SLIT2: variants seen among roughly 807,000 people sequenced by gnomAD.
SLIT2 encodes slit homolog 2 protein.
SLIT2 carries 41 observed loss-of-function variants against 185.7 expected under a neutral mutation model. That is an observed-to-expected ratio of 0.22 (90% CI 0.17 to 0.29). The LOEUF is 0.29. Ranked by LOEUF, SLIT2 falls within the 10% of genes least tolerant of loss-of-function variation. SLIT2 has a pLI of 1.00. For synonymous variants in SLIT2, 693 were observed against 680.2 expected, an observed-to-expected ratio of 1.02 and a Z score of -0.29; for missense variants, 1,571 against 1,909.0, an observed-to-expected ratio of 0.82 and a Z score of 3.30.
In SLIT2 at chr4:20,620,268, G is replaced by A. The variant is rs1451712775; in HGVS notation, c.*1259G>A. On this transcript the variant is annotated 3_prime_UTR_variant, in exon 37 of 37. Transcript: ENST00000504154. ...AAAAGACTGTCATATCAAGAACTGT[G>A]ACTTTTCTTTCCCTCAAACAATAAA... 1 of 348,118 alleles carries A rather than the reference G, an allele frequency of 2.9e-6. No individual in the cohort carries two copies. Among genetic ancestry groups the A allele is most frequent in the African/African-American group, 2.2e-5 (1 of 46,188 alleles). 21.6% of individuals were successfully genotyped at this position (348,118 alleles called of 1,614,324 possible).
At chr4:20,553,396 A>C (rs1723952792) in intron 25 of SLIT2, among the ~76,000 whole-genome samples, 1 of 152,098 alleles carries the variant, frequency 6.6e-6, no homozygotes, top group African/African-American at 2.4e-5. Flanking sequence ...GGTTCTTTGG[A>C]GGTAAGAATA....
At chr4:20,533,530 T>C in intron 17 of SLIT2, 42 bp from the exon 18 acceptor site, 1 of 1,478,174 alleles carries the variant, frequency 6.8e-7, no homozygotes, top group African/African-American at 1.4e-5. Context: ...CCCACCTTGT[T>C]AGAAATTATT....
intron 29 of SLIT2, among the ~76,000 whole-genome samples, chr4:20,575,763 A>AT (rs796592064): frequency 5.3e-5 from 8 of 152,202 alleles, no homozygotes; most frequent in African/African-American, 1.4e-4. Context: ...TACCCACAAA[A>AT]TTCAAGTGCA....
chr4:20,524,770 T>C (rs1721138995), intron 14 of SLIT2, among the ~76,000 whole-genome samples: 1 of 149,020 alleles, frequency 6.7e-6, no homozygotes, highest in African/African-American at 2.4e-5. Context: ...AAGCTAAATA[T>C]GAATGCATTG....
chr4:20,562,434 A>C (rs1269585735), intron 26 of SLIT2, among the ~76,000 whole-genome samples: 2 of 151,694 alleles, frequency 1.3e-5, no homozygotes, highest in Non-Finnish European at 2.9e-5. Flanking sequence ...TCATATTTCC[A>C]TTCACTTAGT....
chr4:20,294,476 T>G (rs1716276073), intron 4 of SLIT2, among the ~76,000 whole-genome samples: 1 of 152,200 alleles, frequency 6.6e-6, no homozygotes, highest in African/African-American at 2.4e-5. Context: ...GATTATATCC[T>G]GAAATCACTG....
rs578193970 is a variant in SLIT2, at chr4:20,372,131, T to C, written c.396-95621T>C. Among the ~76,000 whole-genome samples, 61 of 152,264 alleles carry C rather than the reference T, an allele frequency of 4.0e-4. 1 individual carries two copies. In the South Asian group the frequency reaches 0.012, roughly 29 times the overall value. ...ACATTTACTGAGTACTCTTTATAGGTACGACACATTATGCCAGTTGTTTTT... is the reference window on the plus strand; with the variant it reads ...ACATTTACTGAGTACTCTTTATAGGCACGACACATTATGCCAGTTGTTTTT... On this transcript the variant is annotated intron_variant, in intron 4 of 36. Coordinates refer to ENST00000504154, the MANE Select transcript of SLIT2 (RefSeq NM_004787.4).
chr4:20,545,995 C>T (rs1723216450), intron 21 of SLIT2, 36 bp from the exon 22 acceptor site: 1 of 1,226,180 alleles, frequency 8.2e-7, no homozygotes, highest in Non-Finnish European at 1.2e-6. Context: ...GCCACCATTA[C>T]TTTGTAAGAA....
chr4:20,491,381 G>T (rs946952742), intron 8 of SLIT2, among the ~76,000 whole-genome samples: 4 of 152,118 alleles, frequency 2.6e-5, no homozygotes, highest in African/African-American at 9.7e-5. Context: ...GCATGAATTT[G>T]ATAAAGACCA....
chr4:20,392,265 T>C (rs549824045), intron 4 of SLIT2: 1 of 152,202 alleles, frequency 6.6e-6, no homozygotes, highest in South Asian at 2.1e-4. Context: ...AACACAATGG[T>C]AAGTATTTAT....
At chr4:20,454,545 A>G (rs761175434) in intron 4 of SLIT2, among the ~76,000 whole-genome samples, 3 of 152,180 alleles carry the variant, frequency 2.0e-5, no homozygotes, top group Non-Finnish European at 2.9e-5. Flanking sequence ...GTAGTTTCCA[A>G]AGTACTCCAT....
chr4:20,315,649 CAT>C (rs768900299), intron 4 of SLIT2, among the ~76,000 whole-genome samples: 1 of 151,906 alleles, frequency 6.6e-6, no homozygotes, highest in Non-Finnish European at 1.5e-5. Context: ...AAGGAAAAAA[CAT>C]AAGAAAGTTA....
chr4:20,313,835 G>A (rs927716007), intron 4 of SLIT2, among the ~76,000 whole-genome samples: 9 of 152,204 alleles, frequency 5.9e-5, no homozygotes, highest in African/African-American at 1.4e-4. Context: ...GCGCTCAGGC[G>A]GCAATGCTCA....
At chr4:20,256,213 G>A (rs1375867121) in intron 1 of SLIT2, among the ~76,000 whole-genome samples, 1 of 151,826 alleles carries the variant, frequency 6.6e-6, no homozygotes, top group African/African-American at 2.4e-5. Flanking sequence ...AGGAAGTTTC[G>A]CCACCATGCT....
At chr4:20,422,790 C>A (rs892855680) in intron 4 of SLIT2, among the ~76,000 whole-genome samples, 3 of 151,894 alleles carry the variant, frequency 2.0e-5, no homozygotes, top group African/African-American at 7.3e-5. Context: ...GAAAGGAGGC[C>A]AGCATCAATG....
chr4:20,459,631 T>C (rs1411043837), intron 4 of SLIT2, among the ~76,000 whole-genome samples: 1 of 152,204 alleles, frequency 6.6e-6, no homozygotes, highest in Non-Finnish European at 1.5e-5. Context: ...GATCCGTTCA[T>C]TGAGCTGTAG....
intron 33 of SLIT2, among the ~76,000 whole-genome samples, chr4:20,602,450 A>G (rs187269623): frequency 5.3e-5 from 8 of 152,224 alleles, no homozygotes; most frequent in African/African-American, 1.9e-4. Context: ...TTACATCTGG[A>G]TAGAAGATCA....
intron 33 of SLIT2, among the ~76,000 whole-genome samples, chr4:20,608,533 A>G (rs1345159966): frequency 6.6e-6 from 1 of 152,170 alleles, no homozygotes; most frequent in Non-Finnish European, 1.5e-5. Flanking sequence ...TGACATATCT[A>G]ACATTTAGTT....
chr4:20,511,220 G>A (rs1466037450), intron 11 of SLIT2, 83 bp downstream of exon 11: 4 of 742,942 alleles, frequency 5.4e-6, no homozygotes, highest in East Asian at 5.0e-5. Flanking sequence ...TTTAAAAAAT[G>A]CTCTCAGGTT....
Sources: gnomAD v4.1 joint callset for allele counts (sites outside exome capture counted in the v4.1 genomes callset) on GRCh38, gnomAD v4.1.1 for gene constraint, MANE v1.5 for transcripts, NCBI Gene and HGNC (gene_info 2026-07-23, HGNC 2026-07-21) for gene names.